Variants in SLC13A3 observed in about 807,000 individuals in gnomAD.
SLC13A3 encodes solute carrier family 13 member 3.
SLC13A3 carries 40 observed loss-of-function variants against 59.0 expected under a neutral mutation model. That is an observed-to-expected ratio of 0.68 (90% CI 0.53 to 0.88). The LOEUF is 0.88. Ranked by LOEUF, SLC13A3 falls within the 40% of genes least tolerant of loss-of-function variation. The pLI is 0.00. For missense variants in SLC13A3, 699 were observed against 783.2 expected, an observed-to-expected ratio of 0.89 and a Z score of 1.28; for synonymous variants, 317 against 330.3, an observed-to-expected ratio of 0.96 and a Z score of 0.44.
chr20:46,619,003 C>T (rs376771779), intron 1 of SLC13A3, among the ~76,000 whole-genome samples: 3 of 152,252 alleles, frequency 2.0e-5, no homozygotes, highest in Non-Finnish European at 4.4e-5. Flanking sequence ...GTCACTGCTG[C>T]TGGTAGTAAC....
At chr20:46,584,611 T>C in intron 8 of SLC13A3, 2 of 554,248 alleles carry the variant, frequency 3.6e-6, no homozygotes, top group Non-Finnish European at 4.6e-6. Flanking sequence ...GGTATACCAT[T>C]CATTTGCCAA....
chr20:46,589,671 G>A (rs415702), intron 6 of SLC13A3, among the ~76,000 whole-genome samples: 40,989 of 152,058 alleles, frequency 0.27, 7,737 homozygotes, highest in African/African-American at 0.53. Context: ...ATGGAACAGA[G>A]TTGAGAGCCC....
intron 6 of SLC13A3, among the ~76,000 whole-genome samples, chr20:46,589,621 A>C (rs1402624173): frequency 6.6e-6 from 1 of 152,210 alleles, no homozygotes; most frequent in East Asian, 1.9e-4. Context: ...GGTGTGGAAA[A>C]GATGGGCTAT....
intron 1 of SLC13A3, among the ~76,000 whole-genome samples, chr20:46,619,161 T>A (rs956558851): frequency 6.6e-6 from 1 of 152,208 alleles, no homozygotes; most frequent in Non-Finnish European, 1.5e-5. Flanking sequence ...GGGTGACATC[T>A]TTCCGAGCTA....
chr20:46,625,204 C>T (rs1896721768), intron 1 of SLC13A3, among the ~76,000 whole-genome samples: 1 of 152,190 alleles, frequency 6.6e-6, no homozygotes, highest in Non-Finnish European at 1.5e-5. Flanking sequence ...CTCTTTCTCT[C>T]CCAGCTTCCA....
At chr20:46,588,885 G>C (rs934314137) in intron 7 of SLC13A3, among the ~76,000 whole-genome samples, 1 of 152,200 alleles carries the variant, frequency 6.6e-6, no homozygotes, top group African/African-American at 2.4e-5. Context: ...GGTATTCTGC[G>C]TACCGGGAGG....
intron 1 of SLC13A3, among the ~76,000 whole-genome samples, chr20:46,660,558 G>A (rs1397082572): frequency 6.6e-6 from 1 of 152,078 alleles, no homozygotes; most frequent in African/African-American, 2.4e-5. Flanking sequence ...CTGGCTACTT[G>A]TAAGATCTCT....
intron 2 of SLC13A3, 77 bp from the exon 3 acceptor site, chr20:46,610,686 T>G: frequency 2.4e-6 from 3 of 1,244,818 alleles, no homozygotes; most frequent in Non-Finnish European, 3.4e-6. Flanking sequence ...TTGCCATCCC[T>G]GAGGAATACA....
chr20:46,608,069 G>T (rs1212178293), intron 3 of SLC13A3, among the ~76,000 whole-genome samples: 1 of 152,114 alleles, frequency 6.6e-6, no homozygotes, highest in African/African-American at 2.4e-5. Flanking sequence ...CCACCCCAGG[G>T]TGACCATCAG....
At chr20:46,612,045 A>G (rs921632461) in intron 2 of SLC13A3, among the ~76,000 whole-genome samples, 1 of 150,568 alleles carries the variant, frequency 6.6e-6, no homozygotes, top group African/African-American at 2.5e-5. Flanking sequence ...CACCCAAAAA[A>G]AAATCCCTGA....
At chr20:46,603,405 C>T (rs149849772) in intron 3 of SLC13A3, among the ~76,000 whole-genome samples, 176 of 152,128 alleles carry the variant, frequency 1.2e-3, no homozygotes, top group African/African-American at 4.0e-3. Flanking sequence ...GATAGGATCT[C>T]GTTCTGTTGC....
chr20:46,660,139 G>A (rs1206246795), intron 1 of SLC13A3, among the ~76,000 whole-genome samples: 1 of 152,028 alleles, frequency 6.6e-6, no homozygotes, highest in Non-Finnish European at 1.5e-5. Context: ...ATAAATAAAA[G>A]ATAAATGTAC....
chr20:46,642,606 C>A (rs775249010), intron 1 of SLC13A3, among the ~76,000 whole-genome samples: 30 of 152,170 alleles, frequency 2.0e-4, no homozygotes, highest in Non-Finnish European at 3.7e-4. Context: ...TGGCCTCTTG[C>A]GCTTCCCATT....
At position 46,651,305 on chromosome 20, in the gene SLC13A3, C is replaced by A; in HGVS notation, c.111+6G>T. On this transcript the variant is annotated splice_donor_region_variant and intron_variant, in intron 1 of 12. Coordinates refer to ENST00000279027, the MANE Select transcript of SLC13A3 (RefSeq NM_022829.6). ...ACCGGGGGCGCACAGGCGGAGGAGGCGTTACCTTGGGCGGGAGGGCGAAGA... is the reference window on the plus strand; with the variant it reads ...ACCGGGGGCGCACAGGCGGAGGAGGAGTTACCTTGGGCGGGAGGGCGAAGA... The A allele has an allele frequency of 4.0e-6, 6 of 1,493,488 alleles. No individual in the cohort carries two copies. The highest frequency in any genetic ancestry group is 5.3e-6 in the Non-Finnish European group (6 of 1,123,194). The allele number at this position is 1,493,488 out of a possible 1,614,324, so 92.5% of individuals were successfully genotyped here.
chr20:46,596,447 A>G, intron 4 of SLC13A3, 105 bp from the exon 5 acceptor site: 1 of 1,015,194 alleles, frequency 9.9e-7, no homozygotes, highest in Non-Finnish European at 1.5e-6. Context: ...GTAATTTGGC[A>G]CAGGTATCAA....
intron 3 of SLC13A3, chr20:46,608,920 A>T (rs751763629): frequency 3.2e-5 from 49 of 1,550,884 alleles, no homozygotes; most frequent in Non-Finnish European, 4.1e-5. Context: ...CCCGGCAGGA[A>T]GGACAGAACC....
rs965384573 is a variant in SLC13A3, at chr20:46,596,038, T to G, written c.794+119A>C. 5.5e-6 allele frequency: 5 copies of G among 905,906 alleles called. No individual in the cohort carries two copies. The African/African-American group carries it at 8.4e-5, about 15-fold the overall frequency. The allele number at this position is 905,906 out of a possible 1,614,324, so 56.1% of individuals were successfully genotyped here. A position where few individuals can be genotyped will look rare whatever the true frequency, so the allele number is the denominator to read the frequency against. On this transcript the variant is annotated intron_variant, in intron 5 of 12. Transcript: ENST00000279027. ...TCTCACTGGATTTTGTGCATTGCTGTGTTCCCAGAGCCTGGCCCAGAGAAG... is the reference window on the plus strand; with the variant it reads ...TCTCACTGGATTTTGTGCATTGCTGGGTTCCCAGAGCCTGGCCCAGAGAAG...
rs756973292 is a variant in SLC13A3 at position 46,610,470 on chromosome 20, TG to T, written c.516del (p.Ser173AlafsTer101). On this transcript the variant is annotated frameshift_variant, in exon 3 of 13. Transcript: ENST00000279027. LOFTEE classifies it high-confidence loss of function. ...CCTGTGTTCTCTTCACTCTCCTGGC[TG>T]GGGTCCTTTCGAACCTCCTTCTGGC... ...LFGQKEVRKD[P>X]SQESEENTAA... 6.2e-7 allele frequency: 1 copy of T among 1,613,888 alleles called. No individual in the cohort carries two copies. Among genetic ancestry groups the T allele is most frequent in the African/African-American group, 1.3e-5 (1 of 74,924 alleles).
intron 1 of SLC13A3, among the ~76,000 whole-genome samples, chr20:46,662,828 T>C (rs999811917): frequency 6.6e-6 from 1 of 152,196 alleles, no homozygotes; most frequent in African/African-American, 2.4e-5. Flanking sequence ...GGGGTAAAAA[T>C]TAGAACCTTG....
Sources: gnomAD v4.1 joint callset for allele counts (sites outside exome capture counted in the v4.1 genomes callset) on GRCh38, gnomAD v4.1.1 for gene constraint, MANE v1.5 for transcripts, NCBI Gene and HGNC (gene_info 2026-07-23, HGNC 2026-07-21) for gene names.